UQCC1: variants seen among roughly 807,000 people sequenced by gnomAD.
The protein encoded by UQCC1 is bFGF-repressed Zic-binding protein.
UQCC1 carries 38 observed loss-of-function variants against 48.0 expected under a neutral mutation model. The observed-to-expected ratio is 0.79, with a 90% CI of 0.61 to 1.04. The LOEUF (loss-of-function observed/expected upper bound fraction) is 1.04, where lower values mean the gene tolerates loss of function less well. Among genes scored for constraint, UQCC1 ranks in the 50% least tolerant of loss-of-function variants. The pLI, the probability that UQCC1 is intolerant of heterozygous loss-of-function variation, is 0.00. For synonymous variants in UQCC1, 111 were observed against 129.2 expected, an observed-to-expected ratio of 0.86 and a Z score of 0.95; for missense variants, 368 against 381.8, an observed-to-expected ratio of 0.96 and a Z score of 0.30.
intron 1 of UQCC1, among the ~76,000 whole-genome samples, chr20:35,403,909 C>T (rs1293547525): frequency 6.6e-6 from 1 of 151,836 alleles, no homozygotes; most frequent in African/African-American, 2.4e-5. Flanking sequence ...CAGGGCCTGT[C>T]GTGGGGTGGG....
intron 1 of UQCC1, among the ~76,000 whole-genome samples, chr20:35,406,926 T>C (rs2062259651): frequency 6.6e-6 from 1 of 152,172 alleles, no homozygotes; most frequent in South Asian, 2.1e-4. Context: ...CTGTTATGAA[T>C]TAAGATGTTC....
At chr20:35,334,131 A>G (rs1212705107) in intron 7 of UQCC1, among the ~76,000 whole-genome samples, 2 of 152,202 alleles carry the variant, frequency 1.3e-5, no homozygotes, top group African/African-American at 4.8e-5. Context: ...CAAGAGCCCA[A>G]CCTGAGCTGG....
rs537055655 is a variant in UQCC1, at chr20:35,397,567, C to T, written c.25-3371G>A. On this transcript the variant is annotated intron_variant, in intron 1 of 9. Transcript: ENST00000374385. ...AAAATCAGGAAAAAAACATGCCATA[C>T]TAAACATGTAGACTTTTTTTTTCTC... Among the ~76,000 whole-genome samples, 27 of 150,576 alleles carry T rather than the reference C, an allele frequency of 1.8e-4. No individual in the cohort carries two copies. The South Asian group carries it at 5.5e-3, about 31-fold the overall frequency.
intron 6 of UQCC1, among the ~76,000 whole-genome samples, chr20:35,361,512 C>T (rs1254717499): frequency 1.3e-5 from 2 of 152,302 alleles, no homozygotes; most frequent in South Asian, 2.1e-4. Context: ...GTCTGCTGTA[C>T]ACAGTACCTT....
intron 7 of UQCC1, among the ~76,000 whole-genome samples, chr20:35,323,483 T>C (rs2061155517): frequency 6.6e-6 from 1 of 152,218 alleles, no homozygotes; most frequent in South Asian, 2.1e-4. Context: ...TTATCTATAT[T>C]AAAGGAAAAG....
In UQCC1 at chr20:35,303,160, AT is replaced by A. The variant is rs1228403974; in HGVS notation, c.*774del. The A allele has an allele frequency of 1.3e-5, 2 of 152,252 alleles. No individual in the cohort carries two copies. Among genetic ancestry groups the A allele is most frequent in the Admixed American group, 6.5e-5 (1 of 15,290 alleles). 9.4% of individuals were successfully genotyped at this position (152,252 alleles called of 1,614,324 possible). A position where few individuals can be genotyped will look rare whatever the true frequency, so the allele number is the denominator to read the frequency against. Reference sequence around the variant, plus strand: ...CAAGACAGGAGACAGCATGTTCCTCATTCAGTTCACTGGGAGTGACAAAGGT... The same window carrying A: ...CAAGACAGGAGACAGCATGTTCCTCATCAGTTCACTGGGAGTGACAAAGGT... On this transcript the variant is annotated 3_prime_UTR_variant, in exon 10 of 10. Coordinates refer to ENST00000374385, the MANE Select transcript of UQCC1 (RefSeq NM_018244.5).
chr20:35,371,160 G>C (rs1030254200), intron 5 of UQCC1, among the ~76,000 whole-genome samples: 2 of 151,992 alleles, frequency 1.3e-5, no homozygotes, highest in Non-Finnish European at 2.9e-5. Context: ...TGTTAAATAC[G>C]TAAAAAGTCT....
chr20:35,351,283 C>T (rs556757167), intron 6 of UQCC1, among the ~76,000 whole-genome samples: 12 of 150,682 alleles, frequency 8.0e-5, no homozygotes, highest in Admixed American at 1.3e-4. Flanking sequence ...CCCAGCTACT[C>T]GAGACACTGC....
chr20:35,347,815 A>G (rs2061447337), intron 6 of UQCC1, among the ~76,000 whole-genome samples: 1 of 152,248 alleles, frequency 6.6e-6, no homozygotes, highest in Non-Finnish European at 1.5e-5. Context: ...GAAAAAGAAT[A>G]TAAAATATCT....
In UQCC1 at chr20:35,393,130, T is replaced by C. The variant is rs374233143; in HGVS notation, c.129+962A>G. Among the ~76,000 whole-genome samples the C allele has an allele frequency of 3.0e-4, 45 of 152,254 alleles. No individual in the cohort carries two copies. The East Asian group carries it at 4.0e-3, about 14-fold the overall frequency. On this transcript the variant is annotated intron_variant, in intron 2 of 9. Coordinates refer to ENST00000374385, the MANE Select transcript of UQCC1 (RefSeq NM_018244.5). Reference sequence around the variant, plus strand: ...AATGAAAAACTACTTATACATACATTGCTGGTGGCAGCATAAATTAAAACA... The same window carrying C: ...AATGAAAAACTACTTATACATACATCGCTGGTGGCAGCATAAATTAAAACA...
At chr20:35,323,980 C>A (rs1467784066) in intron 7 of UQCC1, among the ~76,000 whole-genome samples, 1 of 152,324 alleles carries the variant, frequency 6.6e-6, no homozygotes, top group South Asian at 2.1e-4. Flanking sequence ...CTTGGCAGGG[C>A]ACAGTGGCTC....
chr20:35,360,926 G>C (rs2061599058), intron 6 of UQCC1, among the ~76,000 whole-genome samples: 1 of 152,106 alleles, frequency 6.6e-6, no homozygotes, highest in African/African-American at 2.4e-5. Context: ...TGTTTAGAAG[G>C]GGCAGGTAAC....
At chr20:35,308,107 G>A (rs993265655) in intron 8 of UQCC1, among the ~76,000 whole-genome samples, 5 of 152,248 alleles carry the variant, frequency 3.3e-5, no homozygotes, top group African/African-American at 9.6e-5. Flanking sequence ...GTCCTCTTGG[G>A]CATTGTGGTA....
chr20:35,321,316 G>A (rs1005188639), intron 7 of UQCC1, among the ~76,000 whole-genome samples: 2 of 151,854 alleles, frequency 1.3e-5, no homozygotes, highest in South Asian at 2.1e-4. Context: ...AGGCACGCAT[G>A]CATATTGAGC....
intron 1 of UQCC1, among the ~76,000 whole-genome samples, chr20:35,402,632 A>T (rs575603867): frequency 2.7e-5 from 4 of 149,734 alleles, no homozygotes; most frequent in Non-Finnish European, 5.9e-5. Context: ...ATATATATAT[A>T]ATATATATAA....
intron 4 of UQCC1, among the ~76,000 whole-genome samples, chr20:35,380,187 C>T (rs2061849629): frequency 6.6e-6 from 1 of 151,988 alleles, no homozygotes; most frequent in Non-Finnish European, 1.5e-5. Flanking sequence ...AATCCAAATG[C>T]CATAAGCATA....
intron 7 of UQCC1, among the ~76,000 whole-genome samples, chr20:35,321,283 T>TGCGCGC (rs60488465): frequency 1.4e-5 from 2 of 141,534 alleles, no homozygotes; most frequent in Non-Finnish European, 3.0e-5. Flanking sequence ...TGTGTGTGTG[T>TGCGCGC]GCGCGCGCGC....
At chr20:35,362,934 C>T (rs2061622717) in intron 6 of UQCC1, among the ~76,000 whole-genome samples, 1 of 151,560 alleles carries the variant, frequency 6.6e-6, no homozygotes, top group Non-Finnish European at 1.5e-5. Context: ...CTTGGAGCCT[C>T]CTCCCTCTGT....
intron 7 of UQCC1, chr20:35,344,177 ATAAG>A: frequency 6.6e-6 from 1 of 152,278 alleles, no homozygotes; most frequent in Non-Finnish European, 1.5e-5. Context: ...TGTTTACTGC[ATAAG>A]CAAAAAACTG....
Sources: gnomAD v4.1 joint callset for allele counts (sites outside exome capture counted in the v4.1 genomes callset) on GRCh38, gnomAD v4.1.1 for gene constraint, MANE v1.5 for transcripts, NCBI Gene and HGNC (gene_info 2026-07-23, HGNC 2026-07-21) for gene names.